SEMA5B: variants seen among roughly 807,000 people sequenced by gnomAD.
SEMA5B encodes semaphorin-5B.
A neutral mutation model predicts 135.0 loss-of-function variants in SEMA5B; 66 were observed. That is an observed-to-expected ratio of 0.49 (90% CI 0.40 to 0.60). SEMA5B has a LOEUF of 0.60. SEMA5B is among the 20% of genes least tolerant of loss of function. SEMA5B has a pLI of 0.00. For synonymous variants in SEMA5B, 690 were observed against 639.5 expected (o/e 1.08, Z -1.19); for missense variants, 1,501 against 1,566.3 (o/e 0.96, Z 0.70).
chr3:122,943,608 G>T (rs568701903), intron 3 of SEMA5B, 73 bp from the exon 4 acceptor site: 7 of 1,123,770 alleles, frequency 6.2e-6, no homozygotes, highest in African/African-American at 1.5e-5. Flanking sequence ...GCAGACCACA[G>T]AACAGAAGGG....
intron 3 of SEMA5B, 152 bp from the exon 4 acceptor site, chr3:122,943,687 C>T (rs936515522): frequency 1.6e-6 from 1 of 611,436 alleles, no homozygotes. Flanking sequence ...CTCTGTGTGC[C>T]CCTAGGGACT....
rs747465492 is a variant in SEMA5B, at chr3:122,915,617, C to A, written c.1811G>T (p.Arg604Leu). The A allele has an allele frequency of 6.2e-7, 1 of 1,611,198 alleles. No homozygotes were observed. The highest frequency in any genetic ancestry group is 1.7e-5 in the Admixed American group (1 of 59,822). ...GAAGCCCCCATCCCGTGTCACATTC[C>A]GCACCTGAAGACACACATGGGAGAC... ...WTQNITACPV[R>L]NVTRDGGFGP... is the part of the protein sequence containing the mutation. The change falls in exon 14 of 23, where the codon CGG (arginine) becomes CTG (leucine). Residue 604 changes from arginine to leucine, a missense_variant. Coordinates refer to ENST00000357599, the MANE Select transcript of SEMA5B (RefSeq NM_001031702.4).
intron 12 of SEMA5B, among the ~76,000 whole-genome samples, chr3:122,918,839 G>C (rs1220240659): frequency 1.3e-5 from 2 of 152,130 alleles, no homozygotes; most frequent in Non-Finnish European, 2.9e-5. Context: ...TTGGCCAAAG[G>C]CCACTTCAAA....
In SEMA5B at chr3:122,922,314, A is replaced by G. The variant is rs774445660; in HGVS notation, c.1406T>C (p.Val469Ala). Reference sequence around the variant, plus strand: ...GTCCACCACGAGGTGTGAGAAGCGCACGCTGTCCTGGGTGACACAGGGCTC... The same window carrying G: ...GTCCACCACGAGGTGTGAGAAGCGCGCGCTGTCCTGGGTGACACAGGGCTC... The part of the protein sequence containing the change: ...TPEPCVTQDS[V>A]RFSHLVVDLV... Residue 469 changes from valine to alanine, a missense_variant, in exon 11 of 23, where the codon GTG (valine) becomes GCG (alanine). Val to Ala is a moderately conservative substitution (Grantham distance 64, BLOSUM62 0). This residue lies in a region of SEMA5B where 574 missense variants were observed against 684.7 expected (regional missense o/e 0.84). Transcript: ENST00000357599. 6.8e-5 allele frequency: 110 copies of G among 1,613,966 alleles called. No individual in the cohort carries two copies. Among genetic ancestry groups the G allele is most frequent in the Non-Finnish European group, 9.0e-5 (106 of 1,179,958 alleles).
chr3:122,968,914 A>G (rs1474660428), intron 1 of SEMA5B, among the ~76,000 whole-genome samples: 1 of 152,050 alleles, frequency 6.6e-6, no homozygotes, highest in Non-Finnish European at 1.5e-5. Flanking sequence ...GCATTCTAAC[A>G]TCTTCTGTTC....
chr3:122,966,978 G>A (rs1205469059), intron 1 of SEMA5B, among the ~76,000 whole-genome samples: 1 of 151,084 alleles, frequency 6.6e-6, no homozygotes, highest in African/African-American at 2.4e-5. Context: ...TCTGCCTCCT[G>A]GGTTCAAGCG....
At chr3:122,916,024 T>C (rs1296994311) in intron 12 of SEMA5B, 134 bp from the exon 13 acceptor site, 2 of 684,760 alleles carry the variant, frequency 2.9e-6, no homozygotes, top group African/African-American at 1.8e-5. Context: ...ATGAAGTTCA[T>C]TGGGCCTTTA....
At chr3:123,011,207 G>A (rs142547779) in intron 1 of SEMA5B, among the ~76,000 whole-genome samples, 80 of 152,296 alleles carry the variant, frequency 5.3e-4, no homozygotes, top group Middle Eastern at 3.4e-3. Flanking sequence ...TCTTGGGGTC[G>A]AAGACTTAGC....
At chr3:122,926,283 CCGGCAGGAGGCA>C in intron 9 of SEMA5B, 97 bp downstream of exon 9, 1 of 1,091,402 alleles carries the variant, frequency 9.2e-7, no homozygotes, top group Non-Finnish European at 1.3e-6. Flanking sequence ...CAGATGACCC[CCGGCAGGAGGCA>C]CGGCAGTCCC....
chr3:122,921,563 T>A (rs1000122320), intron 12 of SEMA5B, among the ~76,000 whole-genome samples: 2 of 152,140 alleles, frequency 1.3e-5, no homozygotes, highest in Admixed American at 1.3e-4. Context: ...TAAAGAACTC[T>A]CTGTACAGAA....
intron 3 of SEMA5B, among the ~76,000 whole-genome samples, chr3:122,947,628 C>G (rs747690545): frequency 3.3e-5 from 5 of 152,350 alleles, no homozygotes; most frequent in Non-Finnish European, 7.3e-5. Flanking sequence ...ACAAGCCTCT[C>G]TGGCCCACCA....
chr3:122,975,039 C>T (rs914131222), intron 1 of SEMA5B: 1 of 152,250 alleles, frequency 6.6e-6, no homozygotes, highest in Non-Finnish European at 1.5e-5. Flanking sequence ...GAAGTGTCCT[C>T]TGCTCAGGCC....
chr3:122,975,885 A>G, intron 1 of SEMA5B: 1 of 1,360,340 alleles, frequency 7.4e-7, no homozygotes, highest in Non-Finnish European at 9.9e-7. Context: ...CATAGCAAGG[A>G]CTCTCCATCT....
intron 1 of SEMA5B, among the ~76,000 whole-genome samples, chr3:123,010,890 C>T (rs536385159): frequency 1.1e-4 from 16 of 151,566 alleles, no homozygotes; most frequent in African/African-American, 3.9e-4. Context: ...TTATCTGGGA[C>T]TCACCACCCC....
At chr3:122,967,922 C>G (rs1401754077) in intron 1 of SEMA5B, among the ~76,000 whole-genome samples, 1 of 152,260 alleles carries the variant, frequency 6.6e-6, no homozygotes, top group African/African-American at 2.4e-5. Flanking sequence ...GCTCTGCCCT[C>G]TCACTCACTC....
intron 7 of SEMA5B, 83 bp downstream of exon 7, chr3:122,928,434 A>AC (rs914266586): frequency 1.9e-6 from 2 of 1,069,928 alleles, no homozygotes; most frequent in Non-Finnish European, 1.3e-6. Context: ...AAATTTGGTA[A>AC]CCCCCCTTCA....
intron 1 of SEMA5B, among the ~76,000 whole-genome samples, chr3:123,006,108 C>T (rs1055332219): frequency 1.3e-5 from 2 of 152,214 alleles, no homozygotes; most frequent in Non-Finnish European, 2.9e-5. Context: ...GCACTGTCCA[C>T]TCATGAAGGG....
At chr3:122,931,973 C>G (rs138449871) in intron 5 of SEMA5B, among the ~76,000 whole-genome samples, 125 of 152,330 alleles carry the variant, frequency 8.2e-4, no homozygotes, top group African/African-American at 2.9e-3. Flanking sequence ...ATGACAACAT[C>G]AAGACTGCAC....
chr3:123,000,769 C>T (rs1377409025), intron 1 of SEMA5B, among the ~76,000 whole-genome samples: 2 of 152,140 alleles, frequency 1.3e-5, no homozygotes, highest in African/African-American at 4.8e-5. Context: ...TTGAGGGATG[C>T]ACCTTCCTGG....
Sources: allele counts gnomAD v4.1 joint callset (sites outside exome capture counted in the v4.1 genomes callset), GRCh38; gene constraint gnomAD v4.1.1; regional missense constraint gnomAD v4.1.1; transcripts MANE v1.5; gene names NCBI Gene and HGNC (gene_info 2026-07-23, HGNC 2026-07-21).